Variants in MCTP1 observed in about 807,000 individuals in gnomAD.
MCTP1 encodes multiple C2 and transmembrane domain containing 1, also known as multiple C2 and transmembrane domain-containing protein 1.
MCTP1 carries 69 observed loss-of-function variants against 120.6 expected under a neutral mutation model. The observed-to-expected ratio is 0.57, with a 90% confidence interval of 0.47 to 0.70. The LOEUF (loss-of-function observed/expected upper bound fraction) is 0.70, where lower values mean the gene tolerates loss of function less well. MCTP1 is among the 30% of genes least tolerant of loss of function. The pLI, the probability that MCTP1 is intolerant of heterozygous loss-of-function variation, is 0.00. For synonymous variants in MCTP1, 529 were observed against 493.1 expected, an observed-to-expected ratio of 1.07 and a Z score of -0.96; for missense variants, 1,203 against 1,248.8, an observed-to-expected ratio of 0.96 and a Z score of 0.55.
At chr5:94,892,464 CCATTA>C (rs1157924637) in intron 11 of MCTP1, among the ~76,000 whole-genome samples, 1 of 152,114 alleles carries the variant, frequency 6.6e-6, no homozygotes, top group Non-Finnish European at 1.5e-5. Context: ...GGTCTACTAC[CCATTA>C]CTACCCGCCC....
At chr5:94,927,927 T>C (rs1376743506) in intron 6 of MCTP1, among the ~76,000 whole-genome samples, 3 of 152,064 alleles carry the variant, frequency 2.0e-5, no homozygotes, top group Admixed American at 6.6e-5. Context: ...ATAAAATCTT[T>C]ATAAAAAGAT....
At chr5:94,771,009 G>A (rs1051353904) in intron 19 of MCTP1, among the ~76,000 whole-genome samples, 26 of 152,126 alleles carry the variant, frequency 1.7e-4, no homozygotes, top group Admixed American at 1.4e-3. Context: ...AAGATAACAA[G>A]CCCATTGCTG....
At chr5:94,806,449 A>G (rs532808961) in intron 17 of MCTP1, among the ~76,000 whole-genome samples, 1 of 152,298 alleles carries the variant, frequency 6.6e-6, no homozygotes, top group South Asian at 2.1e-4. Flanking sequence ...TAGCAACACC[A>G]TTTCTTAGGA....
At chr5:95,120,060 C>T (rs1015660702) in intron 1 of MCTP1, among the ~76,000 whole-genome samples, 13 of 150,988 alleles carry the variant, frequency 8.6e-5, no homozygotes, top group Non-Finnish European at 1.6e-4. Flanking sequence ...GCCTGTAGTC[C>T]CAGCTACTCA....
At chr5:94,716,240 A>C (rs1442566137) in intron 19 of MCTP1, among the ~76,000 whole-genome samples, 2 of 152,328 alleles carry the variant, frequency 1.3e-5, no homozygotes, top group African/African-American at 4.8e-5. Flanking sequence ...GCTTATGCCA[A>C]AATGGATTGT....
intron 10 of MCTP1, among the ~76,000 whole-genome samples, chr5:94,900,840 A>G (rs1465915402): frequency 1.3e-5 from 2 of 152,232 alleles, no homozygotes; most frequent in African/African-American, 2.4e-5. Flanking sequence ...TTTTAAAAAA[A>G]TGCCTTCTCT....
chr5:94,720,685 T>C (rs1467493548), intron 19 of MCTP1, among the ~76,000 whole-genome samples: 1 of 152,218 alleles, frequency 6.6e-6, no homozygotes, highest in Non-Finnish European at 1.5e-5. Flanking sequence ...ATTCAAATTG[T>C]TTGCAATTCA....
chr5:95,081,369 C>T, intron 1 of MCTP1: 2 of 1,491,602 alleles, frequency 1.3e-6, no homozygotes, highest in Non-Finnish European at 1.8e-6. Context: ...TATACCTAAA[C>T]TGCCACATTA....
chr5:95,017,413 G>A lies in MCTP1; in HGVS notation c.792C>T (p.Asp264=), dbSNP rs34752755. 1,320 of 1,610,642 alleles carry A rather than the reference G, an allele frequency of 8.2e-4. 15 individuals are homozygous for A. In the East Asian group the frequency reaches 0.02, roughly 24 times the overall value. ...AACTTTGACCCCTTCTTAATGTAAT[G>A]TCCAGCTGGTACATTCCGGGATCAG... The part of the protein sequence containing the change: ...PLADPGMYQL[D]ITLRRGQSLA... The change falls in exon 2 of 23, where the codon GAC becomes GAT. Residue 264 remains aspartate (D), a synonymous_variant. Coordinates refer to ENST00000515393, the MANE Select transcript of MCTP1 (RefSeq NM_024717.7).
intron 1 of MCTP1, among the ~76,000 whole-genome samples, chr5:95,203,205 G>A (rs1008578751): frequency 3.3e-5 from 5 of 152,124 alleles, no homozygotes; most frequent in Non-Finnish European, 5.9e-5. Flanking sequence ...TGTCATACAC[G>A]TAGGTAAATA....
chr5:94,853,995 G>T (rs1262993891), intron 17 of MCTP1, among the ~76,000 whole-genome samples: 1 of 151,790 alleles, frequency 6.6e-6, no homozygotes, highest in East Asian at 1.9e-4. Context: ...GCAGATAGTG[G>T]AGGTAATATC....
At chr5:95,041,730 A>G (rs866192948) in intron 1 of MCTP1, among the ~76,000 whole-genome samples, 6 of 152,236 alleles carry the variant, frequency 3.9e-5, no homozygotes, top group African/African-American at 1.4e-4. Context: ...CTGCCTTTAT[A>G]TCAGTTAATG....
chr5:95,029,155 C>CAAA (rs5869665), intron 1 of MCTP1, among the ~76,000 whole-genome samples: 21 of 135,972 alleles, frequency 1.5e-4, no homozygotes, highest in Admixed American at 5.8e-4. Context: ...GACTCCATCT[C>CAAA]AAAAAAAAAA....
At chr5:94,978,843 C>T (rs146501291) in intron 2 of MCTP1, 1 of 139,956 alleles carries the variant, frequency 7.1e-6, no homozygotes, top group East Asian at 2.1e-4. Context: ...GTGTAGATCT[C>T]ATGTTAAGTG....
At chr5:95,154,325 A>T (rs1744853771) in intron 1 of MCTP1, 1 of 151,756 alleles carries the variant, frequency 6.6e-6, no homozygotes, top group African/African-American at 2.4e-5. Context: ...TCATGTAGCA[A>T]TATGAAGTCT....
intron 1 of MCTP1, among the ~76,000 whole-genome samples, chr5:95,019,450 C>CT (rs987057543): frequency 2.0e-5 from 3 of 151,906 alleles, no homozygotes; most frequent in African/African-American, 7.2e-5. Context: ...CTAGTAACCA[C>CT]TTTTTTTTCT....
chr5:94,940,925 A>G (rs1227763663), intron 4 of MCTP1, among the ~76,000 whole-genome samples: 1 of 151,032 alleles, frequency 6.6e-6, no homozygotes, highest in Non-Finnish European at 1.5e-5. Flanking sequence ...AAAACAGCAT[A>G]CACAAATAGG....
At chr5:95,012,413 G>T (rs897135092) in intron 2 of MCTP1, among the ~76,000 whole-genome samples, 3 of 152,028 alleles carry the variant, frequency 2.0e-5, no homozygotes, top group Non-Finnish European at 4.4e-5. Flanking sequence ...GAGTTTTATA[G>T]TATACGCATA....
intron 1 of MCTP1, among the ~76,000 whole-genome samples, chr5:95,237,308 G>T (rs1400479960): frequency 1.3e-5 from 2 of 152,178 alleles, no homozygotes; most frequent in African/African-American, 2.4e-5. Context: ...ACATCCAGGA[G>T]AGTGGCTGTG....
Sources: gnomAD v4.1 joint callset for allele counts (sites outside exome capture counted in the v4.1 genomes callset) on GRCh38, gnomAD v4.1.1 for gene constraint, MANE v1.5 for transcripts, NCBI Gene and HGNC (gene_info 2026-07-23, HGNC 2026-07-21) for gene names.